The following NME9 variants were observed in gnomAD, a reference collection of about 807,000 sequenced individuals.
The protein encoded by NME9 is NME/NM23 family member 9.
A neutral mutation model predicts 44.4 loss-of-function variants in NME9; 48 were observed. The ratio of observed to expected loss-of-function variants is 1.08; its 90% CI spans 0.86 to 1.37. The LOEUF (loss-of-function observed/expected upper bound fraction) is 1.37. Ranked by LOEUF, NME9 falls within the 40% of genes most tolerant of loss-of-function variation. NME9 has a pLI of 0.00. For missense variants in NME9, 325 were observed against 405.2 expected (o/e 0.80, Z 1.70); for synonymous variants, 139 against 147.1 (o/e 0.94, Z 0.40).
chr3:138,270,090 T>G (rs766832464), intron 8 of NME9: 28 of 1,613,636 alleles, frequency 1.7e-5, no homozygotes, highest in Non-Finnish European at 2.3e-5. Context: ...TAACTCAGAG[T>G]GAAAATCCTG....
chr3:138,276,360 A>G (rs1328036225), intron 8 of NME9, among the ~76,000 whole-genome samples: 1 of 152,248 alleles, frequency 6.6e-6, no homozygotes, highest in Non-Finnish European at 1.5e-5. Flanking sequence ...CTGTCACCAC[A>G]GACAAGATAG....
chr3:138,299,599 CTT>C (rs1383688444), downstream of NME9, among the ~76,000 whole-genome samples: 2 of 152,100 alleles, frequency 1.3e-5, no homozygotes, highest in African/African-American at 4.8e-5. Context: ...CTTGTGGACT[CTT>C]AGAGATGCCC....
intron 8 of NME9, among the ~76,000 whole-genome samples, chr3:138,293,506 T>C (rs2051183584): frequency 6.6e-6 from 1 of 151,472 alleles, no homozygotes; most frequent in Admixed American, 6.6e-5. Flanking sequence ...ACCAGTGCAC[T>C]CCAGCCTAGG....
At chr3:138,322,445 G>C (rs1016645894) in intron 2 of NME9, among the ~76,000 whole-genome samples, 2 of 151,824 alleles carry the variant, frequency 1.3e-5, no homozygotes, top group Non-Finnish European at 2.9e-5. Context: ...AAGCAAAACA[G>C]AGAAGCCACA....
chr3:138,283,002 C>A (rs2050084318), intron 8 of NME9, among the ~76,000 whole-genome samples: 1 of 152,228 alleles, frequency 6.6e-6, no homozygotes, highest in Non-Finnish European at 1.5e-5. Context: ...CAGATCAGAT[C>A]ATGTCTGTCC....
At chr3:138,301,953 TGAA>T (rs1162007003) in intron 10 of NME9, among the ~76,000 whole-genome samples, 2 of 152,338 alleles carry the variant, frequency 1.3e-5, no homozygotes, top group East Asian at 3.9e-4. Flanking sequence ...AGCTCTATGA[TGAA>T]GATTTTTATT....
chr3:138,295,693 C>T (rs2108409126), intron 8 of NME9, among the ~76,000 whole-genome samples: 1 of 152,352 alleles, frequency 6.6e-6, no homozygotes, highest in Non-Finnish European at 1.5e-5. Flanking sequence ...GGTGTCTACC[C>T]ACTGCAGATC....
In NME9 at chr3:138,305,020, A is replaced by C; in HGVS notation, c.644T>G (p.Phe215Cys). ...FYQHKAGEEA[F>C]EKLVHHMCSG... is the part of the protein sequence containing the mutation. The stretch of plus-strand genomic sequence containing the variant: ...GCACATGTGATGTACCAGCTTCTCA[A>C]ATGCCTCCTAGGCACAGGGAGGGAA... Residue 215 changes from phenylalanine (F) to cysteine (C), a missense_variant, in exon 9 of 11, where the codon TTT (phenylalanine) becomes TGT (cysteine). Physicochemically the swap from Phe to Cys is radical, Grantham distance 205. Transcript: ENST00000333911. 6.2e-7 allele frequency: 1 copy of C among 1,613,834 alleles called. No individual in the cohort carries two copies. Among genetic ancestry groups the C allele is most frequent in the Non-Finnish European group, 8.5e-7 (1 of 1,179,836 alleles).
In NME9 at chr3:138,329,612, G is replaced by T; in HGVS notation, c.-277C>A. ...ATCTGCGAAGCCCCCTCCCCACCCC[G>T]GAGCCGGCCAGGGGGCGCGCGCAGA... On this transcript the variant is annotated 5_prime_UTR_variant, in exon 1 of 11. Coordinates refer to ENST00000333911, the MANE Select transcript of NME9 (RefSeq NM_001349018.2). 1.5e-6 allele frequency: 2 copies of T among 1,308,644 alleles called. No homozygotes were observed. Among genetic ancestry groups the T allele is most frequent in the Non-Finnish European group, 1.9e-6 (2 of 1,030,442 alleles). The allele number at this position is 1,308,644 out of a possible 1,614,324, so 81.1% of individuals were successfully genotyped here. A position where few individuals can be genotyped will look rare whatever the true frequency, so the allele number is the denominator to read the frequency against.
chr3:138,283,049 C>G lies in NME9; in HGVS notation c.745+20458G>C, dbSNP rs2050090586. Reference sequence around the variant, plus strand: ...CACATAAAGCCCTCCTCAACATGATCTAACTGCCCTGGAATAAATAGTTCC... The same window carrying G: ...CACATAAAGCCCTCCTCAACATGATGTAACTGCCCTGGAATAAATAGTTCC... On this transcript the variant is annotated intron_variant, in intron 8 of 8. Coordinates refer to the NME9 transcript ENST00000317876. Among the ~76,000 whole-genome samples the G allele has an allele frequency of 2.6e-5, 4 of 152,214 alleles. 1 individual carries two copies. The South Asian group carries it at 8.3e-4, about 32-fold the overall frequency.
At chr3:138,304,012 G>C (rs1402354852) in intron 9 of NME9, among the ~76,000 whole-genome samples, 2 of 152,226 alleles carry the variant, frequency 1.3e-5, no homozygotes, top group African/African-American at 4.8e-5. Flanking sequence ...GCTTGATAAA[G>C]TTGTGCATAG....
chr3:138,281,800 A>G (rs1278379347), intron 8 of NME9, among the ~76,000 whole-genome samples: 5 of 152,160 alleles, frequency 3.3e-5, no homozygotes. Flanking sequence ...ATTCCCCTTT[A>G]TATTCTGTTT....
chr3:138,317,607 A>G (rs1225838596), intron 4 of NME9, among the ~76,000 whole-genome samples: 1 of 152,246 alleles, frequency 6.6e-6, no homozygotes, highest in East Asian at 1.9e-4. Context: ...CTAACTTTCT[A>G]TAAACATATC....
At chr3:138,317,308 C>T (rs2053156250) in intron 4 of NME9, among the ~76,000 whole-genome samples, 1 of 152,200 alleles carries the variant, frequency 6.6e-6, no homozygotes, top group South Asian at 2.1e-4. Context: ...GTGCTGAGGC[C>T]AGGAGGCTGA....
At chr3:138,328,620 C>G (rs1455199150) in intron 1 of NME9, among the ~76,000 whole-genome samples, 2 of 152,098 alleles carry the variant, frequency 1.3e-5, no homozygotes, top group South Asian at 2.1e-4. Flanking sequence ...CAGCTGATCT[C>G]CTTATGACCA....
intron 2 of NME9, among the ~76,000 whole-genome samples, chr3:138,323,930 C>T (rs1478332942): frequency 6.6e-6 from 1 of 152,106 alleles, no homozygotes; most frequent in African/African-American, 2.4e-5. Flanking sequence ...TTGTGTAATC[C>T]CCTGCCCTGG....
rs751431651 is a variant in NME9 at position 138,324,966 on chromosome 3, G to A, written c.34-36C>T. The A allele has an allele frequency of 9.0e-6, 14 of 1,558,766 alleles. No individual in the cohort carries two copies. The Admixed American group carries it at 2.0e-4, about 23-fold the overall frequency. On this transcript the variant is annotated intron_variant, in intron 1 of 10. Coordinates refer to ENST00000333911, the MANE Select transcript of NME9 (RefSeq NM_001349018.2). ...AGAGGATCAAATGCCGTATTACTGA[G>A]GGCTCAGGCAGGGAAACAATTCAAT...
intron 3 of NME9, among the ~76,000 whole-genome samples, chr3:138,319,023 C>T (rs1024733138): frequency 6.6e-6 from 1 of 152,046 alleles, no homozygotes; most frequent in Admixed American, 6.6e-5. Flanking sequence ...TATAATTATA[C>T]CTTGTCTCTA....
chr3:138,263,531 G>C (rs2047962640), intron 8 of NME9: 1 of 591,530 alleles, frequency 1.7e-6, no homozygotes, highest in Non-Finnish European at 3.0e-6. Context: ...CCTTACGCCT[G>C]TCATTCAGCC....
Sources: gnomAD v4.1 joint callset for allele counts (sites outside exome capture counted in the v4.1 genomes callset) on GRCh38, gnomAD v4.1.1 for gene constraint, MANE v1.5 for transcripts, NCBI Gene and HGNC (gene_info 2026-07-23, HGNC 2026-07-21) for gene names.